KIF3B: variants seen among roughly 807,000 people sequenced by gnomAD.
KIF3B encodes the protein kinesin family member 3B, also known as kinesin-like protein KIF3B.
KIF3B carries 38 observed loss-of-function variants against 74.3 expected under a neutral mutation model. That is an observed-to-expected ratio of 0.51 (90% CI 0.39 to 0.67). The LOEUF (loss-of-function observed/expected upper bound fraction) is 0.67, where lower values mean the gene tolerates loss of function less well. KIF3B is among the 30% of genes least tolerant of loss of function. The pLI is 0.00. For missense variants in KIF3B, 649 were observed against 932.0 expected, an observed-to-expected ratio of 0.70 and a Z score of 3.95; for synonymous variants, 326 against 342.5, an observed-to-expected ratio of 0.95 and a Z score of 0.53.
At chr20:32,316,364 T>C (rs1469142791) in intron 3 of KIF3B, 45 bp downstream of exon 3, 1 of 1,534,024 alleles carries the variant, frequency 6.5e-7, no homozygotes, top group Admixed American at 1.7e-5. Context: ...AGGTAAGGTG[T>C]GTTTATGCTG....
chr20:32,308,250 G>C (rs892339165), intron 1 of KIF3B, among the ~76,000 whole-genome samples: 2 of 152,120 alleles, frequency 1.3e-5, no homozygotes, highest in Non-Finnish European at 2.9e-5. Flanking sequence ...TAAAAAAAGG[G>C]TTTCATTCTG....
At chr20:32,293,952 C>T (rs1210722380) in intron 1 of KIF3B, among the ~76,000 whole-genome samples, 1 of 152,102 alleles carries the variant, frequency 6.6e-6, no homozygotes, top group Non-Finnish European at 1.5e-5. Context: ...ACTTAATTGT[C>T]GTGTAACCTT....
chr20:32,330,316 C>T lies in KIF3B; in HGVS notation c.2144C>T (p.Ala715Val), dbSNP rs370914318. 4.2e-5 allele frequency: 67 copies of T among 1,613,068 alleles called. No individual in the cohort carries two copies. Among genetic ancestry groups the T allele is most frequent in the Non-Finnish European group, 5.6e-5 (66 of 1,179,526 alleles). ...AGCACTGCAAATAAGAAATCCAAGG[C>T]CAGGTGAGTGGCTTTGATGACGTGT... ...FESTANKKSK[A>V]RPKSGRKSGS... The change falls in exon 8 of 9, where the codon GCC becomes GTC. Residue 715 changes from alanine (A) to valine (V), a missense_variant. Physicochemically the swap from Ala to Val is moderately conservative, Grantham distance 64. Coordinates refer to ENST00000375712, the MANE Select transcript of KIF3B (RefSeq NM_004798.4).
At chr20:32,300,648 A>T (rs890781668) in intron 1 of KIF3B, among the ~76,000 whole-genome samples, 2 of 152,026 alleles carry the variant, frequency 1.3e-5, no homozygotes, top group Admixed American at 1.3e-4. Context: ...TCCTGGCCAC[A>T]AAGAATCCTC....
At chr20:32,304,240 G>A (rs1255966574) in intron 1 of KIF3B, among the ~76,000 whole-genome samples, 2 of 152,110 alleles carry the variant, frequency 1.3e-5, no homozygotes, top group Non-Finnish European at 2.9e-5. Context: ...GTCTGTGAAG[G>A]GCAGTGGGGG....
At chr20:32,331,115 C>T (rs368524932) in intron 8 of KIF3B, 108 bp from the exon 9 acceptor site, 40 of 812,748 alleles carry the variant, frequency 4.9e-5, no homozygotes, top group African/African-American at 4.8e-4. Context: ...TTGAACTTGT[C>T]GTTTTCAGGC....
chr20:32,277,705 C>CG lies in KIF3B; in HGVS notation c.-126_-125insG. ...AATGGCTGAGCCAGGGGTTCGCCGCCCCCGCCGCCGCCGCCGCCGCCGCCG... is the reference window on the plus strand; with the variant it reads ...AATGGCTGAGCCAGGGGTTCGCCGCCGCCCGCCGCCGCCGCCGCCGCCGCCG... On this transcript the variant is annotated 5_prime_UTR_variant, in exon 1 of 9. The change abolishes the stop of an existing upstream ORF in the 5' untranslated region. Transcript: ENST00000375712. 3.7e-6 allele frequency: 1 copy of CG among 267,530 alleles called. No individual in the cohort carries two copies. Among genetic ancestry groups the CG allele is most frequent in the Non-Finnish European group, 6.8e-6 (1 of 147,720 alleles). 16.6% of individuals were successfully genotyped at this position (267,530 alleles called of 1,614,324 possible).
intron 1 of KIF3B, among the ~76,000 whole-genome samples, chr20:32,291,793 T>A (rs2047692609): frequency 6.6e-6 from 1 of 151,864 alleles, no homozygotes. Context: ...ATTTTTATAT[T>A]TTTAGTAGAG....
intron 1 of KIF3B, among the ~76,000 whole-genome samples, chr20:32,279,684 C>G (rs1172497866): frequency 6.6e-6 from 1 of 152,160 alleles, no homozygotes; most frequent in Non-Finnish European, 1.5e-5. Context: ...AGGCTGGTCT[C>G]AAACTCCCGA....
chr20:32,294,546 T>C (rs1189997088), intron 1 of KIF3B, among the ~76,000 whole-genome samples: 1 of 152,210 alleles, frequency 6.6e-6, no homozygotes, highest in African/African-American at 2.4e-5. Context: ...CAATATTACC[T>C]GCATTTCATG....
chr20:32,323,062 ATATATATT>A (rs1175594512), intron 5 of KIF3B, among the ~76,000 whole-genome samples: 13,389 of 83,264 alleles, frequency 0.16, 1,894 homozygotes, highest in African/African-American at 0.37. Flanking sequence ...ATTTATATTT[ATATATATT>A]TATATATTTA....
chr20:32,315,247 A>G (rs1393318701), intron 2 of KIF3B, among the ~76,000 whole-genome samples: 3 of 152,210 alleles, frequency 2.0e-5, no homozygotes, highest in Non-Finnish European at 4.4e-5. Context: ...ACTTCTCAGG[A>G]TCAAGAAGTT....
intron 1 of KIF3B, among the ~76,000 whole-genome samples, chr20:32,293,804 T>A (rs2047704014): frequency 6.6e-6 from 1 of 152,226 alleles, no homozygotes; most frequent in African/African-American, 2.4e-5. Flanking sequence ...CTGTACACTC[T>A]GTACAGCTTG....
chr20:32,313,340 A>G (rs1203360524), intron 2 of KIF3B, among the ~76,000 whole-genome samples: 1 of 152,208 alleles, frequency 6.6e-6, no homozygotes, highest in African/African-American at 2.4e-5. Context: ...TATTGAATTC[A>G]TGCAAACTTT....
At chr20:32,299,406 T>A (rs1173646267) in intron 1 of KIF3B, among the ~76,000 whole-genome samples, 13 of 91,674 alleles carry the variant, frequency 1.4e-4, no homozygotes, top group African/African-American at 4.4e-4. Context: ...TATATATATT[T>A]TTTTTTTTTT....
intron 1 of KIF3B, among the ~76,000 whole-genome samples, chr20:32,278,572 C>G (rs1053021033): frequency 1.3e-5 from 2 of 152,100 alleles, no homozygotes; most frequent in African/African-American, 4.8e-5. Flanking sequence ...CAACCCCCAA[C>G]CCCGGTTTTA....
chr20:32,316,831 C>G lies in KIF3B; in HGVS notation c.1705C>G (p.Leu569Val). 1 of 1,614,062 alleles carries G rather than the reference C, an allele frequency of 6.2e-7. No individual in the cohort carries two copies. Among genetic ancestry groups the G allele is most frequent in the Non-Finnish European group, 8.5e-7 (1 of 1,179,968 alleles). Residue 569 changes from leucine (L) to valine (V), a missense_variant, in exon 5 of 9, where the codon CTA (leucine) becomes GTA (valine). Leu to Val is a conservative substitution (Grantham distance 32). This residue lies in a region of KIF3B where 363 missense variants were observed against 592.8 expected (regional missense o/e 0.61). Transcript: ENST00000375712. ...QEEHIKERQE[L>V]EQTQNELTRE... ...AGAACACATCAAGGAGCGCCAAGAG[C>G]TAGAGCAGACTCAGAATGAGCTCAC...
chr20:32,332,168 G>A lies in KIF3B; in HGVS notation c.*849G>A, dbSNP rs553402219. The A allele has an allele frequency of 6.5e-6, 1 of 152,818 alleles. No individual in the cohort carries two copies. Among genetic ancestry groups the A allele is most frequent in the African/African-American group, 2.4e-5 (1 of 41,580 alleles). 9.5% of individuals were successfully genotyped at this position (152,818 alleles called of 1,614,324 possible). The stretch of plus-strand genomic sequence containing the variant: ...GCACGCATACTCTGAACATCCTTGT[G>A]TGGGCCCATCCTCTGCATCCAGAGC... On this transcript the variant is annotated 3_prime_UTR_variant, in exon 9 of 9. Coordinates refer to ENST00000375712, the MANE Select transcript of KIF3B (RefSeq NM_004798.4).
chr20:32,310,560 A>G lies in KIF3B; in HGVS notation c.783A>G (p.Arg261=), dbSNP rs562693298. 6.2e-6 allele frequency: 10 copies of G among 1,614,124 alleles called. No individual in the cohort carries two copies. The highest frequency in any genetic ancestry group is 2.2e-5 in the South Asian group (2 of 91,088). The change falls in exon 2 of 9, where the codon AGA becomes AGG. Residue 261 remains arginine, a synonymous_variant. Transcript: ENST00000375712. The surrounding 1 kb of genome is among the most constrained non-coding windows in gnomAD (Gnocchi z 6.5). ...RQAKTGAQGE[R]LKEATKINLS... ...CCAAGACCGGCGCACAAGGGGAGAG[A>G]TTAAAAGAAGCTACCAAGATCAACC...
Sources: gnomAD v4.1 joint callset for allele counts (sites outside exome capture counted in the v4.1 genomes callset) on GRCh38, gnomAD v4.1.1 for gene constraint, gnomAD v4.1.1 regional missense constraint, Gnocchi (gnomAD v3.1) non-coding constraint, MANE v1.5 for transcripts, NCBI Gene and HGNC (gene_info 2026-07-23, HGNC 2026-07-21) for gene names.